NCKAP5: variants seen among roughly 807,000 people sequenced by gnomAD.
The protein encoded by NCKAP5 is nck-associated protein 5.
NCKAP5 carries 92 observed loss-of-function variants against 167.0 expected under a neutral mutation model. The observed-to-expected ratio is 0.55, with a 90% CI of 0.47 to 0.66. The LOEUF (loss-of-function observed/expected upper bound fraction) is 0.66, where lower values mean the gene tolerates loss of function less well. Among genes scored for constraint, NCKAP5 ranks in the 30% least tolerant of loss-of-function variants. The probability of loss-of-function intolerance (pLI) is 0.00; values close to 1 mark genes in which losing one functional copy is unlikely to be tolerated. For synonymous variants in NCKAP5, 891 were observed against 877.4 expected, an observed-to-expected ratio of 1.02 and a Z score of -0.27; for missense variants, 2,378 against 2,315.0, an observed-to-expected ratio of 1.03 and a Z score of -0.56.
intron 4 of NCKAP5, chr2:133,268,506 G>T (rs1287308039): frequency 7.7e-6 from 1 of 129,772 alleles, no homozygotes; most frequent in Admixed American, 8.7e-5. Flanking sequence ...TTTTTGAGAC[G>T]GAGTCTCGCT....
At chr2:133,040,123 C>T (rs540989471) in intron 6 of NCKAP5, among the ~76,000 whole-genome samples, 1 of 151,900 alleles carries the variant, frequency 6.6e-6, no homozygotes, top group Non-Finnish European at 1.5e-5. Context: ...ATCTAGCATG[C>T]CTTATTAACA....
chr2:132,797,847 A>G (rs1465858674), intron 11 of NCKAP5, among the ~76,000 whole-genome samples: 1 of 151,988 alleles, frequency 6.6e-6, no homozygotes, highest in Non-Finnish European at 1.5e-5. Flanking sequence ...TCCCCATTCA[A>G]CTCTCTTTAG....
intron 4 of NCKAP5, among the ~76,000 whole-genome samples, chr2:133,230,671 C>T (rs1334040863): frequency 6.6e-6 from 1 of 152,152 alleles, no homozygotes. Context: ...CTCCAGACAG[C>T]TTTCCTTCTG....
intron 19 of NCKAP5, among the ~76,000 whole-genome samples, chr2:132,690,600 A>G (rs887947799): frequency 6.6e-6 from 1 of 152,144 alleles, no homozygotes; most frequent in Non-Finnish European, 1.5e-5. Context: ...GCCTAAAGTC[A>G]CAGCTTCTGA....
chr2:132,710,022 T>C (rs1688701367), intron 19 of NCKAP5, among the ~76,000 whole-genome samples: 1 of 152,086 alleles, frequency 6.6e-6, no homozygotes. Context: ...TTACAAAAAA[T>C]ATCATAGCTA....
intron 3 of NCKAP5, among the ~76,000 whole-genome samples, chr2:133,343,542 T>G (rs1264950775): frequency 2.6e-5 from 4 of 152,226 alleles, no homozygotes. Context: ...AAATTTTATT[T>G]TTTATGTCTA....
At chr2:133,258,296 C>T (rs1292474414) in intron 4 of NCKAP5, among the ~76,000 whole-genome samples, 1 of 152,188 alleles carries the variant, frequency 6.6e-6, no homozygotes, top group Non-Finnish European at 1.5e-5. Context: ...ACTCCTTGCT[C>T]CTCACTCAAA....
chr2:133,340,379 C>A (rs1020821976), intron 3 of NCKAP5, among the ~76,000 whole-genome samples: 15 of 152,206 alleles, frequency 9.9e-5, no homozygotes, highest in African/African-American at 3.4e-4. Flanking sequence ...TCTGGCCAGA[C>A]TAAGTTTTAC....
At chr2:133,567,738 A>G (rs1358747468) in intron 1 of NCKAP5, among the ~76,000 whole-genome samples, 1 of 148,538 alleles carries the variant, frequency 6.7e-6, no homozygotes, top group Non-Finnish European at 1.5e-5. Flanking sequence ...ACGAGAGACC[A>G]TAAACATCAA....
chr2:133,317,431 G>A (rs192570783), intron 3 of NCKAP5, among the ~76,000 whole-genome samples: 14 of 152,218 alleles, frequency 9.2e-5, no homozygotes, highest in African/African-American at 2.9e-4. Context: ...ATAAAGAACT[G>A]TTCTCTACTG....
At chr2:133,503,128 G>T (rs149409864) in intron 3 of NCKAP5, among the ~76,000 whole-genome samples, 1 of 152,276 alleles carries the variant, frequency 6.6e-6, no homozygotes, top group East Asian at 1.9e-4. Context: ...AGCTTTACTT[G>T]GTAGTAAACC....
the NCKAP5 span, among the ~76,000 whole-genome samples, chr2:133,612,751 A>G: frequency 6.6e-6 from 1 of 152,240 alleles, no homozygotes; most frequent in Non-Finnish European, 1.5e-5. Flanking sequence ...ATAGTGTGGC[A>G]CTGAGGAAGA....
chr2:132,820,510 G>A (rs1686643932), intron 11 of NCKAP5, among the ~76,000 whole-genome samples: 1 of 151,932 alleles, frequency 6.6e-6, no homozygotes, highest in Non-Finnish European at 1.5e-5. Flanking sequence ...TTACAGGCGT[G>A]AGCCACCGAG....
At chr2:132,721,582 T>C (rs1160323319) in intron 19 of NCKAP5, among the ~76,000 whole-genome samples, 1 of 152,216 alleles carries the variant, frequency 6.6e-6, no homozygotes, top group African/African-American at 2.4e-5. Flanking sequence ...TCAAGGCACG[T>C]CCTCCTGTTA....
At chr2:133,469,087 T>G (rs1202898985) in intron 3 of NCKAP5, among the ~76,000 whole-genome samples, 1 of 152,166 alleles carries the variant, frequency 6.6e-6, no homozygotes, top group African/African-American at 2.4e-5. Flanking sequence ...CATTAGTTGA[T>G]GCAGTTTCTT....
At chr2:133,296,031 T>C (rs1679936421) in intron 4 of NCKAP5, among the ~76,000 whole-genome samples, 1 of 152,170 alleles carries the variant, frequency 6.6e-6, no homozygotes, top group Non-Finnish European at 1.5e-5. Context: ...ACTGCCCTTA[T>C]AACACTAACA....
At chr2:133,213,613 T>G (rs2086299962) in intron 5 of NCKAP5, 103 bp downstream of exon 5, 2 of 1,114,778 alleles carry the variant, frequency 1.8e-6, no homozygotes, top group Admixed American at 4.2e-5. Flanking sequence ...TTAAGTTTGC[T>G]GCAAGCAAAT....
chr2:133,433,542 A>T (rs532150693), intron 3 of NCKAP5: 1 of 152,348 alleles, frequency 6.6e-6, no homozygotes, highest in Admixed American at 6.5e-5. Context: ...GGGAAGAATT[A>T]GTGAGTTATT....
intron 5 of NCKAP5, among the ~76,000 whole-genome samples, chr2:133,134,303 A>G (rs1204570437): frequency 1.3e-5 from 2 of 152,204 alleles, no homozygotes; most frequent in Non-Finnish European, 2.9e-5. Flanking sequence ...GTAAAGCACC[A>G]TATTTATTGT....
Sources: gnomAD v4.1 joint callset for allele counts (sites outside exome capture counted in the v4.1 genomes callset) on GRCh38, gnomAD v4.1.1 for gene constraint, MANE v1.5 for transcripts, NCBI Gene and HGNC (gene_info 2026-07-23, HGNC 2026-07-21) for gene names.